Variants in IDI1 observed in about 807,000 individuals in gnomAD.
IDI1 encodes isopentenyl-diphosphate delta isomerase 1, also known as isopentenyl-diphosphate Delta-isomerase 1.
In IDI1, 23 loss-of-function variants were observed where a neutral mutation model predicts 32.9. That is an observed-to-expected ratio of 0.70 (90% CI 0.50 to 0.99). IDI1 has a LOEUF of 0.99. Among genes scored for constraint, IDI1 ranks in the 50% least tolerant of loss-of-function variants. IDI1 has a pLI of 0.00. For synonymous variants in IDI1, 133 were observed against 128.2 expected (o/e 1.04, Z -0.25); for missense variants, 326 against 351.9 (o/e 0.93, Z 0.59).
At chr10:1,049,543 G>C (rs1282489650), upstream of IDI1, 1 of 147,090 alleles carries the variant, frequency 6.8e-6, no homozygotes, top group African/African-American at 2.5e-5. Flanking sequence ...TGTCTAGAAC[G>C]ATGGCCTTTC....
intron 1 of IDI1, among the ~76,000 whole-genome samples, chr10:1,044,951 C>T (rs1474307947): frequency 6.6e-6 from 1 of 152,228 alleles, no homozygotes; most frequent in Admixed American, 6.5e-5. Context: ...GTGAACTGGG[C>T]AGTATGTAAA....
intron 1 of IDI1, among the ~76,000 whole-genome samples, chr10:1,044,707 T>A (rs1832746732): frequency 6.6e-6 from 1 of 152,254 alleles, no homozygotes; most frequent in African/African-American, 2.4e-5. Context: ...ACAGTAAGAC[T>A]TAATCCAGTT....
chr10:1,055,706 A>C, the IDI1 span, among the ~76,000 whole-genome samples: 1 of 126,484 alleles, frequency 7.9e-6, no homozygotes, highest in Non-Finnish European at 1.8e-5. Flanking sequence ...TGCAGAAATA[A>C]CTTCACTTCT....
chr10:1,048,623 A>G (rs1311422355), intron 1 of IDI1: 1 of 1,403,834 alleles, frequency 7.1e-7, no homozygotes, highest in Non-Finnish European at 9.2e-7. Context: ...AAGAATGGCA[A>G]CGTCTCTGAC....
At chr10:1,046,264 T>C (rs1313931450) in intron 1 of IDI1, among the ~76,000 whole-genome samples, 1 of 152,200 alleles carries the variant, frequency 6.6e-6, no homozygotes, top group Non-Finnish European at 1.5e-5. Flanking sequence ...AGTGGTTCCA[T>C]AAAATTATAA....
At chr10:1,045,855 C>G (rs558427169) in intron 1 of IDI1, among the ~76,000 whole-genome samples, 14 of 141,260 alleles carry the variant, frequency 9.9e-5, no homozygotes, top group African/African-American at 3.7e-4. Context: ...TCTAGACCCA[C>G]ATAGGGTCTG....
chr10:1,039,329 T>C, downstream of IDI1: 1 of 153,232 alleles, frequency 6.5e-6, no homozygotes, highest in Non-Finnish European at 1.5e-5. Flanking sequence ...TCTGTTTTGG[T>C]CTTGTTCTCT....
At chr10:1,051,462 T>C (rs956496403), upstream of IDI1, among the ~76,000 whole-genome samples, 1 of 152,246 alleles carries the variant, frequency 6.6e-6, no homozygotes, top group African/African-American at 2.4e-5. Context: ...AATACCTCAG[T>C]TTATCTGTCA....
At chr10:1,049,134 G>A, upstream of IDI1, 3 of 1,380,570 alleles carry the variant, frequency 2.2e-6, no homozygotes, top group Non-Finnish European at 2.8e-6. Context: ...GTGACCGCGG[G>A]CTCTGGCGCC....
rs777299368 is a variant in IDI1, at chr10:1,042,746, C to T, written c.423G>A (p.Thr141=). The change falls in exon 4 of 5, where the codon ACG becomes ACA. Residue 141 remains threonine, a synonymous_variant. Transcript: ENST00000381344. ...KITFPGCFTN[T]CCSHPLSNPA... ...GATTGCTTAATGGATGACTACAACA[C>T]GTATTCGTAAAACAACCTGGAAAAT... 14 of 1,613,548 alleles carry T rather than the reference C, an allele frequency of 8.7e-6. No individual in the cohort carries two copies. Among genetic ancestry groups the T allele is most frequent in the African/African-American group, 2.7e-5 (2 of 74,842 alleles).
rs1791210782 is a variant in IDI1 at position 1,039,431 on chromosome 10, C to T, written c.*1756G>A. 6.6e-6 allele frequency: 1 copy of T among 151,762 alleles called. No homozygotes were observed. The highest frequency in any genetic ancestry group is 2.4e-5 in the African/African-American group (1 of 41,246). 9.4% of individuals were successfully genotyped at this position (151,762 alleles called of 1,614,324 possible). On this transcript the variant is annotated 3_prime_UTR_variant, in exon 5 of 5. Coordinates refer to ENST00000381344, the MANE Select transcript of IDI1 (RefSeq NM_004508.4). The stretch of plus-strand genomic sequence containing the variant: ...GAGTTGGCAATGGTTTGACCAGAAT[C>T]AAAGAAGTATATATTTTGAAGATTA...
At chr10:1,045,867 GT>G (rs1170116365) in intron 1 of IDI1, among the ~76,000 whole-genome samples, 40 of 268 alleles carry the variant, frequency 0.15, no homozygotes, top group East Asian at 0.42. Context: ...TAGGGTCTGG[GT>G]GTGTGTGTGT....
At chr10:1,042,839 T>C (rs577194013) in intron 3 of IDI1, 77 bp from the exon 4 acceptor site, 1 of 1,249,168 alleles carries the variant, frequency 8.0e-7, no homozygotes, top group South Asian at 1.3e-5. Context: ...GTTTTATAAG[T>C]AACTGAAAAA....
At chr10:1,051,859 A>AT (rs1833022272), upstream of IDI1, among the ~76,000 whole-genome samples, 2 of 152,054 alleles carry the variant, frequency 1.3e-5, no homozygotes, top group Non-Finnish European at 2.9e-5. Flanking sequence ...TTCATGAAAG[A>AT]TTTTTTTTAA....
At chr10:1,056,300 A>G in the IDI1 span, 53 of 152,410 alleles carry the variant, frequency 3.5e-4, no homozygotes, top group African/African-American at 1.2e-3. Context: ...AAAGCGGCCC[A>G]AGTCCCACCT....
chr10:1,044,838 T>C (rs1213135503), intron 1 of IDI1, among the ~76,000 whole-genome samples: 1 of 152,234 alleles, frequency 6.6e-6, no homozygotes, highest in African/African-American at 2.4e-5. Flanking sequence ...TAATTCGTTA[T>C]ATTCAATAGA....
intron 2 of IDI1, 131 bp downstream of exon 2, chr10:1,043,868 T>A: frequency 2.7e-6 from 2 of 754,658 alleles, no homozygotes; most frequent in Non-Finnish European, 2.2e-6. Context: ...CCACACTATT[T>A]AACGAACTGG....
the IDI1 span, among the ~76,000 whole-genome samples, chr10:1,054,354 C>T: frequency 6.6e-6 from 1 of 152,282 alleles, no homozygotes; most frequent in East Asian, 1.9e-4. Context: ...TGTCAAACAG[C>T]TTATAACACT....
At chr10:1,053,445 A>G (rs1833064700), upstream of IDI1, among the ~76,000 whole-genome samples, 1 of 152,170 alleles carries the variant, frequency 6.6e-6, no homozygotes, top group African/African-American at 2.4e-5. Flanking sequence ...CTTACTCTGG[A>G]TTAGGCTTTA....
Sources: allele counts gnomAD v4.1 joint callset (sites outside exome capture counted in the v4.1 genomes callset), GRCh38; gene constraint gnomAD v4.1.1; transcripts MANE v1.5; gene names NCBI Gene and HGNC (gene_info 2026-07-23, HGNC 2026-07-21).